The following ACTN2 variants were observed in gnomAD, a reference collection of about 807,000 sequenced individuals.
ACTN2 encodes the protein alpha-actinin-2.
Under a neutral mutation model 113.8 loss-of-function variants are expected in ACTN2, and 39 were observed. The ratio of observed to expected loss-of-function variants is 0.34; its 90% CI spans 0.27 to 0.45. The LOEUF is 0.45. Among genes scored for constraint, ACTN2 ranks in the 20% least tolerant of loss-of-function variants. ACTN2 has a pLI of 1.00. For synonymous variants in ACTN2, 429 were observed against 444.1 expected, an observed-to-expected ratio of 0.97 and a Z score of 0.43; for missense variants, 992 against 1,177.9, an observed-to-expected ratio of 0.84 and a Z score of 2.31.
chr1:236,697,472 A>G (rs75441357), intron 1 of ACTN2, among the ~76,000 whole-genome samples: 2,487 of 152,346 alleles, frequency 0.016, 20 homozygotes, highest in Middle Eastern at 0.058. Flanking sequence ...TCTACCCAGA[A>G]GGCACTAAAG....
intron 1 of ACTN2, among the ~76,000 whole-genome samples, chr1:236,715,636 C>T (rs889418291): frequency 3.9e-5 from 6 of 152,048 alleles, no homozygotes; most frequent in Non-Finnish European, 8.8e-5. Context: ...TAGGAGCTAC[C>T]ACACTGATTG....
chr1:236,703,804 T>G (rs1351634266), intron 1 of ACTN2, among the ~76,000 whole-genome samples: 1 of 152,142 alleles, frequency 6.6e-6, no homozygotes, highest in Non-Finnish European at 1.5e-5. Context: ...GTTGCTTCAC[T>G]CTAATTTGAG....
intron 9 of ACTN2, among the ~76,000 whole-genome samples, chr1:236,739,045 G>A (rs1027304453): frequency 5.9e-5 from 9 of 151,992 alleles, no homozygotes; most frequent in African/African-American, 1.7e-4. Flanking sequence ...TCTTGTAAAC[G>A]TCACATTTTT....
At position 236,744,102 on chromosome 1, in the gene ACTN2, G is replaced by A. The variant is rs1218099617; in HGVS notation, c.1256-524G>A. Among the ~76,000 whole-genome samples the A allele has an allele frequency of 2.0e-5, 3 of 152,328 alleles. No individual in the cohort carries two copies. In the East Asian group the frequency reaches 5.8e-4, roughly 29 times the overall value. On this transcript the variant is annotated intron_variant, in intron 11 of 20. Transcript: ENST00000366578. ...TTAAGAAATATTTATATGGGAAAAT[G>A]TAAGTGGAGGGTCAGAGAGGAAAAT...
At chr1:236,690,252 T>C (rs1666033742) in intron 1 of ACTN2, among the ~76,000 whole-genome samples, 1 of 152,184 alleles carries the variant, frequency 6.6e-6, no homozygotes, top group South Asian at 2.1e-4. Flanking sequence ...ATAGAGAGCC[T>C]GGGAGCCTTC....
intron 1 of ACTN2, among the ~76,000 whole-genome samples, chr1:236,690,408 A>C (rs1666039353): frequency 6.6e-6 from 1 of 152,218 alleles, no homozygotes; most frequent in South Asian, 2.1e-4. Flanking sequence ...ATTAACAGAA[A>C]GCTTGTGACA....
At chr1:236,759,248 C>T (rs1193088281) in intron 18 of ACTN2, among the ~76,000 whole-genome samples, 1 of 152,206 alleles carries the variant, frequency 6.6e-6, no homozygotes, top group African/African-American at 2.4e-5. Flanking sequence ...GGATCGTCAT[C>T]CCTGTACACA....
At chr1:236,709,097 C>T (rs1005434977) in intron 1 of ACTN2, among the ~76,000 whole-genome samples, 14 of 151,016 alleles carry the variant, frequency 9.3e-5, no homozygotes, top group African/African-American at 3.4e-4. Flanking sequence ...GCTGTGGTTT[C>T]CAGTAGTTTC....
chr1:236,751,089 C>CAA (rs71178349), intron 14 of ACTN2, among the ~76,000 whole-genome samples: 19 of 60,292 alleles, frequency 3.2e-4, no homozygotes, highest in African/African-American at 1.3e-3. Context: ...GACCCTGTCT[C>CAA]AAAAAAAAAA....
Position 236,736,600 on chromosome 1 carries a change from C to T in ACTN2, c.784-522C>T, listed in dbSNP as rs1329590955. The T allele has an allele frequency of 5.3e-4, 79 of 147,824 alleles. 1 individual carries two copies. In the East Asian group the frequency reaches 6.0e-3, roughly 11 times the overall value. 9.2% of individuals were successfully genotyped at this position (147,824 alleles called of 1,614,324 possible). ...AGCACACTCAGCTCTGTGGAAGGAT[C>T]CCCCTCCAGAAAGTTCTACATGTTC... On this transcript the variant is annotated intron_variant, in intron 8 of 20. Coordinates refer to ENST00000366578, the MANE Select transcript of ACTN2 (RefSeq NM_001103.4).
Position 236,762,965 on chromosome 1 carries a change from T to C in ACTN2, c.*346T>C, listed in dbSNP as rs1659754365. The stretch of plus-strand genomic sequence containing the variant: ...AAGTGAAAAATGTGAAAATACAAAA[T>C]ACCCAAGATTTAAGACCGGGGGGAA... On this transcript the variant is annotated 3_prime_UTR_variant, in exon 21 of 21. Transcript: ENST00000366578. The C allele has an allele frequency of 5.2e-5, 17 of 327,426 alleles. No individual in the cohort carries two copies. Among genetic ancestry groups the C allele is most frequent in the South Asian group, 4.5e-4 (17 of 37,498 alleles). The allele number at this position is 327,426 out of a possible 1,614,324, so 20.3% of individuals were successfully genotyped here. A position where few individuals can be genotyped will look rare whatever the true frequency, so the allele number is the denominator to read the frequency against.
rs192373610 is a variant in ACTN2, at chr1:236,712,987, T to A, written c.127-4871T>A. On this transcript the variant is annotated intron_variant, in intron 1 of 20. Transcript: ENST00000366578. ...CCCAAAAACTCAGGTATGTGATTAG[T>A]CTTAATATTGTCAGTTTTAAAAATT... 2.6e-5 allele frequency among the ~76,000 whole-genome samples: 4 copies of A among 151,874 alleles called. No homozygotes were observed. The East Asian group carries it at 7.7e-4, about 29-fold the overall frequency.
rs34397827 is a variant in ACTN2, at chr1:236,718,274, G to T, written c.241+302G>T. Among the ~76,000 whole-genome samples the T allele has an allele frequency of 0.054, 8,231 of 152,220 alleles. 285 individuals carry two copies. Among genetic ancestry groups the T allele is most frequent in the Middle Eastern group, 0.12 (34 of 294 alleles). ...CTCCATGCTGCCCTTTCTACTCTTC[G>T]TCCAGCTAGAGTGTATTCCAGAAAT... is the stretch of plus-strand genomic sequence containing the variant. On this transcript the variant is annotated intron_variant, in intron 2 of 20. Transcript: ENST00000366578.
chr1:236,728,208 A>C (rs1658612122), intron 6 of ACTN2, among the ~76,000 whole-genome samples: 1 of 138,126 alleles, frequency 7.2e-6, no homozygotes, highest in South Asian at 2.3e-4. Flanking sequence ...CAGTGGTGTG[A>C]TCTCGGCTCA....
rs958778910 is a variant in ACTN2 at position 236,759,462 on chromosome 1, T to A, written c.2302-262T>A. Among the ~76,000 whole-genome samples, 3 of 152,290 alleles carry A rather than the reference T, an allele frequency of 2.0e-5. No individual in the cohort carries two copies. The South Asian group carries it at 6.2e-4, about 32-fold the overall frequency. On this transcript the variant is annotated intron_variant, in intron 18 of 20. Coordinates refer to ENST00000366578, the MANE Select transcript of ACTN2 (RefSeq NM_001103.4). ...GTGGCAGTAGTGAGCTCCTGACTAG[T>A]TCCTTTTGCTGTTTTCTTGAGTGTG...
At position 236,755,208 on chromosome 1, in the gene ACTN2, C is replaced by A; in HGVS notation, c.2154+10C>A. ...GAACTACACGATGGAGGTACGGCAG[C>A]CAGACAGGCGTGTGCCGCTCACTTC... On this transcript the variant is annotated intron_variant, in intron 17 of 20. Transcript: ENST00000366578. 1 of 1,614,016 alleles carries A rather than the reference C, an allele frequency of 6.2e-7. No individual in the cohort carries two copies. The highest frequency in any genetic ancestry group is 8.5e-7 in the Non-Finnish European group (1 of 1,180,026).
intron 18 of ACTN2, among the ~76,000 whole-genome samples, chr1:236,758,808 A>G (rs1659624375): frequency 6.6e-6 from 1 of 151,932 alleles, no homozygotes; most frequent in Admixed American, 6.6e-5. Context: ...TTTACTAGAA[A>G]CAGGGTTTTA....
intron 1 of ACTN2, among the ~76,000 whole-genome samples, chr1:236,706,346 G>A (rs1299854140): frequency 6.6e-6 from 1 of 152,048 alleles, no homozygotes; most frequent in African/African-American, 2.4e-5. Context: ...ATGCCACTGT[G>A]TTCTGGGCAC....
At chr1:236,704,583 C>A (rs957810212) in intron 1 of ACTN2, among the ~76,000 whole-genome samples, 3 of 152,178 alleles carry the variant, frequency 2.0e-5, no homozygotes, top group Non-Finnish European at 4.4e-5. Context: ...GCTAGAGCAG[C>A]TCACAGAACT....
Sources: allele counts gnomAD v4.1 joint callset (sites outside exome capture counted in the v4.1 genomes callset), GRCh38; gene constraint gnomAD v4.1.1; transcripts MANE v1.5; gene names NCBI Gene and HGNC (gene_info 2026-07-23, HGNC 2026-07-21).